The following GALNT13 variants were observed in gnomAD, a reference collection of about 807,000 sequenced individuals.
GALNT13 encodes polypeptide N-acetylgalactosaminyltransferase 13.
Under a neutral mutation model 64.2 loss-of-function variants are expected in GALNT13, and 28 were observed. That is an observed-to-expected ratio of 0.44 (90% CI 0.32 to 0.60). The LOEUF (loss-of-function observed/expected upper bound fraction) is 0.60. GALNT13 is among the 20% of genes least tolerant of loss of function. The pLI is 0.05. For missense variants in GALNT13, 577 were observed against 669.8 expected (o/e 0.86, Z 1.53); for synonymous variants, 214 against 224.6 (o/e 0.95, Z 0.42).
intron 8 of GALNT13, among the ~76,000 whole-genome samples, chr2:154,275,866 A>G (rs1691619783): frequency 1.3e-5 from 2 of 152,126 alleles, no homozygotes; most frequent in Admixed American, 1.3e-4. Context: ...AGCCACAGGA[A>G]TGGAGCTACC....
At chr2:154,020,207 A>T (rs1016416783) in intron 3 of GALNT13, among the ~76,000 whole-genome samples, 11 of 152,154 alleles carry the variant, frequency 7.2e-5, no homozygotes, top group African/African-American at 2.4e-4. Flanking sequence ...TCCTTTGGGT[A>T]TATACCCAGT....
chr2:154,139,845 T>G (rs910983218), intron 3 of GALNT13, among the ~76,000 whole-genome samples: 10 of 152,148 alleles, frequency 6.6e-5, no homozygotes, highest in African/African-American at 2.4e-4. Flanking sequence ...TGAAGTTATG[T>G]GTCACCACTA....
the GALNT13 span, among the ~76,000 whole-genome samples, chr2:153,288,499 C>G: frequency 3.3e-5 from 5 of 152,300 alleles, no homozygotes; most frequent in African/African-American, 1.2e-4. Flanking sequence ...CCATTCCGTC[C>G]TGTCTGGGAC....
the GALNT13 span, among the ~76,000 whole-genome samples, chr2:153,830,574 A>C: frequency 6.6e-6 from 1 of 152,072 alleles, no homozygotes; most frequent in African/African-American, 2.4e-5. Context: ...ATATCTCTCT[A>C]ATTGCTAAAG....
At chr2:153,928,642 G>A (rs1690310723) in intron 2 of GALNT13, among the ~76,000 whole-genome samples, 1 of 152,140 alleles carries the variant, frequency 6.6e-6, no homozygotes, top group Admixed American at 6.6e-5. Flanking sequence ...TTAGGTTGAT[G>A]AATAGGATTT....
chr2:153,943,789 C>T (rs1459162433), intron 2 of GALNT13, among the ~76,000 whole-genome samples: 1 of 152,190 alleles, frequency 6.6e-6, no homozygotes, highest in Non-Finnish European at 1.5e-5. Context: ...GCCGCCGTGC[C>T]CAGCTCTGTT....
the GALNT13 span, among the ~76,000 whole-genome samples, chr2:153,664,528 A>G: frequency 6.6e-6 from 1 of 152,130 alleles, no homozygotes; most frequent in South Asian, 2.1e-4. Flanking sequence ...TCCTGGGGCA[A>G]CATACATCCT....
the GALNT13 span, among the ~76,000 whole-genome samples, chr2:153,208,382 TAAAATATAA>T: frequency 6.6e-6 from 1 of 152,204 alleles, no homozygotes; most frequent in African/African-American, 2.4e-5. Context: ...GTCATTTATA[TAAAATATAA>T]TAGAAACTTA....
the GALNT13 span, among the ~76,000 whole-genome samples, chr2:153,116,486 A>T: frequency 2.0e-5 from 3 of 152,164 alleles, no homozygotes; most frequent in East Asian, 3.9e-4. Flanking sequence ...ATAGGAAAAT[A>T]GAAGAAAACC....
chr2:154,361,837 C>T (rs576649075), intron 9 of GALNT13, among the ~76,000 whole-genome samples: 1 of 152,228 alleles, frequency 6.6e-6, no homozygotes, highest in Admixed American at 6.5e-5. Context: ...AGTGATTTCT[C>T]ATGCTTGAAT....
chr2:154,306,627 G>T (rs1353361117), intron 9 of GALNT13, among the ~76,000 whole-genome samples: 1 of 144,782 alleles, frequency 6.9e-6, no homozygotes, highest in Non-Finnish European at 1.5e-5. Context: ...GTGGGGGGGG[G>T]GTCAAGAAAT....
chr2:154,304,880 C>T (rs1016432918), intron 9 of GALNT13, among the ~76,000 whole-genome samples: 3 of 152,106 alleles, frequency 2.0e-5, no homozygotes, highest in Admixed American at 1.3e-4. Context: ...TCCTAAAGGG[C>T]GTTTATGTTT....
chr2:153,886,905 C>G (rs1003684507), intron 1 of GALNT13, among the ~76,000 whole-genome samples: 1 of 151,900 alleles, frequency 6.6e-6, no homozygotes, highest in Non-Finnish European at 1.5e-5. Flanking sequence ...CAGTAAAACA[C>G]AATTAAGTGT....
intron 4 of GALNT13, among the ~76,000 whole-genome samples, chr2:154,162,790 A>G (rs1684809885): frequency 6.6e-6 from 1 of 152,248 alleles, no homozygotes; most frequent in South Asian, 2.1e-4. Context: ...CCATTATAAA[A>G]CAGTACTAAC....
At chr2:153,683,487 C>T in the GALNT13 span, among the ~76,000 whole-genome samples, 4,295 of 151,800 alleles carry the variant, frequency 0.028, 93 homozygotes, top group Non-Finnish European at 0.045. Flanking sequence ...AGGTTAACTT[C>T]ATCTCAACAA....
the GALNT13 span, among the ~76,000 whole-genome samples, chr2:153,497,155 A>T: frequency 1.3e-5 from 2 of 152,174 alleles, no homozygotes; most frequent in Non-Finnish European, 2.9e-5. Context: ...TTAATAGCCA[A>T]AATTTTTTTC....
the GALNT13 span, among the ~76,000 whole-genome samples, chr2:153,382,619 G>A: frequency 6.6e-6 from 1 of 151,804 alleles, no homozygotes; most frequent in Non-Finnish European, 1.5e-5. Context: ...AATCATTTTT[G>A]CTTAGCAATA....
chr2:153,623,374 A>G, the GALNT13 span, among the ~76,000 whole-genome samples: 1 of 152,092 alleles, frequency 6.6e-6, no homozygotes, highest in Non-Finnish European at 1.5e-5. Context: ...GAAATATAAA[A>G]TTGTAGTTTT....
At chr2:153,189,171 A>C in the GALNT13 span, among the ~76,000 whole-genome samples, 1 of 152,096 alleles carries the variant, frequency 6.6e-6, no homozygotes, top group South Asian at 2.1e-4. Flanking sequence ...GGCCAGGCTC[A>C]TTCTCACTTT....
Sources: allele counts gnomAD v4.1 joint callset (sites outside exome capture counted in the v4.1 genomes callset), GRCh38; gene constraint gnomAD v4.1.1; transcripts MANE v1.5; gene names NCBI Gene and HGNC (gene_info 2026-07-23, HGNC 2026-07-21).